ZNG1B: variants seen among roughly 807,000 people sequenced by gnomAD.
ZNG1B encodes zinc-regulated GTPase metalloprotein activator 1B.
the ZNG1B span, among the ~76,000 whole-genome samples, chr2:113,488,469 C>A: frequency 6.6e-6 from 1 of 151,974 alleles, no homozygotes; most frequent in Non-Finnish European, 1.5e-5. Flanking sequence ...CTTTAACACC[C>A]CCCAAAAAAT....
the ZNG1B span, among the ~76,000 whole-genome samples, chr2:113,492,338 C>T: frequency 3.0e-5 from 4 of 132,420 alleles, 2 homozygotes; most frequent in African/African-American, 5.4e-5. Flanking sequence ...TAATGGCATT[C>T]GCAGTGACCT....
chr2:113,456,180 C>T, the ZNG1B span, among the ~76,000 whole-genome samples: 2 of 151,724 alleles, frequency 1.3e-5, no homozygotes, highest in Non-Finnish European at 2.9e-5. Flanking sequence ...TGGAAGAAAA[C>T]TCCTTTTTTA....
At chr2:113,441,248 A>G in the ZNG1B span, 2 of 1,417,980 alleles carry the variant, frequency 1.4e-6, no homozygotes, top group Non-Finnish European at 9.4e-7. Context: ...TAATATATGA[A>G]AAATAGCACG....
At chr2:113,485,251 A>T in the ZNG1B span, among the ~76,000 whole-genome samples, 1 of 137,314 alleles carries the variant, frequency 7.3e-6, no homozygotes, top group Admixed American at 7.6e-5. Flanking sequence ...TGAGAATCTT[A>T]TAGATGAGTA....
chr2:113,445,387 T>C, the ZNG1B span: 1 of 239,460 alleles, frequency 4.2e-6, no homozygotes, highest in Non-Finnish European at 8.2e-6. Context: ...TCCCTTGGCA[T>C]CCATGGGGTA....
the ZNG1B span, chr2:113,481,492 A>C: frequency 6.6e-6 from 1 of 152,224 alleles, no homozygotes; most frequent in Non-Finnish European, 1.5e-5. Context: ...CTTCAAGGCA[A>C]AGCATCTGCA....
At chr2:113,457,312 T>C in the ZNG1B span, 2 of 354,624 alleles carry the variant, frequency 5.6e-6, no homozygotes, top group Non-Finnish European at 1.1e-5. Context: ...ATAAATAGAC[T>C]GACATTATGC....
chr2:113,462,504 G>C, the ZNG1B span: 74 of 1,591,990 alleles, frequency 4.6e-5, no homozygotes, highest in Non-Finnish European at 6.2e-5. Flanking sequence ...GGTACGAAAT[G>C]ATAAGTGTGT....
chr2:113,439,322 C>T, the ZNG1B span, among the ~76,000 whole-genome samples: 1 of 151,892 alleles, frequency 6.6e-6, no homozygotes, highest in Non-Finnish European at 1.5e-5. Context: ...GCTCCCTCCT[C>T]CTTCCCCCTT....
chr2:113,465,632 G>A, the ZNG1B span: 4 of 930,536 alleles, frequency 4.3e-6, no homozygotes, highest in Non-Finnish European at 5.1e-6. Flanking sequence ...TTTTCTCTAG[G>A]TTCTGTTCCT....
the ZNG1B span, chr2:113,470,273 C>A: frequency 6.6e-6 from 1 of 152,414 alleles, no homozygotes; most frequent in African/African-American, 2.4e-5. Context: ...GGATTGCAGG[C>A]GTGAGCCACC....
At chr2:113,487,398 A>G in the ZNG1B span, among the ~76,000 whole-genome samples, 2 of 152,188 alleles carry the variant, frequency 1.3e-5, no homozygotes, top group African/African-American at 2.4e-5. Flanking sequence ...ACTTAACATG[A>G]GACCTACCTT....
the ZNG1B span, chr2:113,438,158 C>T: frequency 6.3e-7 from 1 of 1,579,168 alleles, no homozygotes; most frequent in South Asian, 1.1e-5. Flanking sequence ...GGCTGGGTCA[C>T]TTGCTTCTCG....
chr2:113,439,975 G>T, the ZNG1B span, among the ~76,000 whole-genome samples: 65 of 139,922 alleles, frequency 4.6e-4, no homozygotes, highest in African/African-American at 1.7e-3. Context: ...AGCTCCGCCT[G>T]CCGGGTTCAC....
At chr2:113,446,612 T>C in the ZNG1B span, among the ~76,000 whole-genome samples, 1 of 149,362 alleles carries the variant, frequency 6.7e-6, no homozygotes, top group Non-Finnish European at 1.5e-5. Context: ...CCAGGCGTTG[T>C]GGCGCACCCC....
chr2:113,486,646 C>T, the ZNG1B span, among the ~76,000 whole-genome samples: 1 of 152,350 alleles, frequency 6.6e-6, no homozygotes, highest in East Asian at 1.9e-4. Context: ...ATCCCAGCTA[C>T]TCGAGAGGCT....
chr2:113,463,421 T>C, the ZNG1B span, among the ~76,000 whole-genome samples: 1 of 152,320 alleles, frequency 6.6e-6, no homozygotes, highest in South Asian at 2.1e-4. Context: ...ATATAGTATA[T>C]ATTATAAATT....
chr2:113,437,700 G>T, the ZNG1B span: 1 of 1,504,516 alleles, frequency 6.6e-7, no homozygotes, highest in South Asian at 1.3e-5. Flanking sequence ...TAAGGGACGA[G>T]GCGCTTCTCG....
the ZNG1B span, among the ~76,000 whole-genome samples, chr2:113,483,308 T>C: frequency 4.6e-5 from 7 of 151,736 alleles, no homozygotes; most frequent in African/African-American, 9.7e-5. Context: ...TGAACCTCTA[T>C]TGTGGCGGTT....
Sources: allele counts gnomAD v4.1 joint callset (sites outside exome capture counted in the v4.1 genomes callset), GRCh38; gene constraint gnomAD v4.1.1; transcripts MANE v1.5; gene names NCBI Gene and HGNC (gene_info 2026-07-23, HGNC 2026-07-21).